KMT2D: variants seen among roughly 807,000 people sequenced by gnomAD.
The protein encoded by KMT2D is histone-lysine N-methyltransferase 2D.
Under a neutral mutation model 512.7 loss-of-function variants are expected in KMT2D, and 55 were observed. That is an observed-to-expected ratio of 0.11 (90% confidence interval 0.09 to 0.13). KMT2D has a LOEUF of 0.13. KMT2D is among the 10% of genes least tolerant of loss of function. KMT2D has a pLI of 1.00. For missense variants in KMT2D, 6,061 were observed against 7,127.9 expected, an observed-to-expected ratio of 0.85 and a Z score of 5.39; for synonymous variants, 2,995 against 2,904.0, an observed-to-expected ratio of 1.03 and a Z score of -1.01.
Position 49,028,099 on chromosome 12 carries a change from T to C in KMT2D, c.14425A>G (p.Met4809Val), listed in dbSNP as rs1263894352. The C allele has an allele frequency of 3.7e-6, 6 of 1,613,866 alleles. No individual in the cohort carries two copies. The highest frequency in any genetic ancestry group is 5.1e-6 in the Non-Finnish European group (6 of 1,179,848). The change falls in exon 47 of 55, where the codon ATG becomes GTG. Residue 4809 changes from methionine (M) to valine (V), a missense_variant. Transcript: ENST00000301067. ...VMVAVAELLS[M>V]KIPNSYEVLF... ...ACCTCATAGGAGTTGGGGATCTTCATGCTCAGCAGCTCCGCCACTGCCACC... is the reference window on the plus strand; with the variant it reads ...ACCTCATAGGAGTTGGGGATCTTCACGCTCAGCAGCTCCGCCACTGCCACC...
chr12:49,044,000 T>A lies in KMT2D; in HGVS notation c.5189-2A>T. On this transcript the variant is annotated splice_acceptor_variant, in intron 22 of 54. Transcript: ENST00000301067. LOFTEE classifies it high-confidence loss of function. ...CTGCAGGCAGGTCAGCAGGTATCAC[T>A]GTGGACAGAACGGAAGTGTCAGACT... is the stretch of plus-strand genomic sequence containing the variant. The A allele has an allele frequency of 6.2e-7, 1 of 1,614,020 alleles. No individual in the cohort carries two copies. Among genetic ancestry groups the A allele is most frequent in the Non-Finnish European group, 8.5e-7 (1 of 1,179,876 alleles).
In KMT2D at chr12:49,022,524, A is replaced by C. The variant is rs772848629; in HGVS notation, c.16338+66T>G. 2.5e-6 allele frequency: 4 copies of C among 1,573,690 alleles called. No individual in the cohort carries two copies. The African/African-American group carries it at 4.0e-5, about 16-fold the overall frequency. ...CTTTCCTCCTGCTCTCCTGTGACCA[A>C]TCCTGCCCTTGCTCCTTGGTTGAGT... is the stretch of plus-strand genomic sequence containing the variant. On this transcript the variant is annotated intron_variant, in intron 52 of 54. Coordinates refer to ENST00000301067, the MANE Select transcript of KMT2D (RefSeq NM_003482.4). This position sits in a 1 kb window ranked among gnomAD's most constrained non-coding sequence, Gnocchi z 8.6.
At position 49,039,481 on chromosome 12, in the gene KMT2D, G is replaced by A. The variant is rs2120511801; in HGVS notation, c.8183C>T (p.Ala2728Val). The part of the protein sequence containing the change: ...GSWGAEPSSP[A>V]FEQLSRGQTP... ...CTGGCCTCGACTCAGCTGCTCAAAG[G>A]CAGGGCTGCTGGGCTCAGCACCCCA... The change falls in exon 33 of 55, where the codon GCC becomes GTC. Residue 2728 changes from alanine (A) to valine (V), a missense_variant. Ala to Val is a moderately conservative substitution (Grantham distance 64). This residue lies in a region of KMT2D where 527 missense variants were observed against 578.9 expected (regional missense o/e 0.91). Coordinates refer to ENST00000301067, the MANE Select transcript of KMT2D (RefSeq NM_003482.4). The surrounding 1 kb of genome is among the most constrained non-coding windows in gnomAD (Gnocchi z 5.0). The A allele has an allele frequency of 6.2e-7, 1 of 1,609,314 alleles. No homozygotes were observed. Among genetic ancestry groups the A allele is most frequent in the Non-Finnish European group, 8.5e-7 (1 of 1,177,494 alleles).
chr12:49,040,460 G>A lies in KMT2D; in HGVS notation c.7310C>T (p.Pro2437Leu), dbSNP rs2120529320. ...CTGGAAGCGAGGGGTAACGGGTGAT[G>A]GGCAAAAAGCTTCAGCAGACAGAGG... ...PRPLSAEAFC[P>L]SPVTPRFQSP... Residue 2437 changes from proline (P) to leucine (L), a missense_variant, in exon 32 of 55, where the codon CCA becomes CTA. Transcript: ENST00000301067. 7 of 1,563,626 alleles carry A rather than the reference G, an allele frequency of 4.5e-6. No individual in the cohort carries two copies. In the South Asian group the frequency reaches 6.0e-5, roughly 13 times the overall value.
In KMT2D at chr12:49,038,045, G is replaced by A; in HGVS notation, c.9311C>T (p.Ala3104Val). ...TGCCAGGCGGGGTTCAGAGGCATCA[G>A]CAGCAGGGGGAGGGCGCTCCTCAGG... ...LGPEERPPPAADASEPRLASV... is the reference protein window; with the variant it reads ...LGPEERPPPAVDASEPRLASV... Residue 3104 changes from alanine to valine, a missense_variant, in exon 35 of 55, where the codon GCT becomes GTT. Around this residue, in one of 16 missense-constraint regions of KMT2D, gnomAD observed 533 missense variants for 539.6 expected, o/e 0.99. Coordinates refer to ENST00000301067, the MANE Select transcript of KMT2D (RefSeq NM_003482.4). The surrounding 1 kb of genome is among the most constrained non-coding windows in gnomAD (Gnocchi z 5.7). 6.2e-7 allele frequency: 1 copy of A among 1,611,746 alleles called. No individual in the cohort carries two copies. Among genetic ancestry groups the A allele is most frequent in the Non-Finnish European group, 8.5e-7 (1 of 1,179,118 alleles).
Position 49,042,941 on chromosome 12 carries a change from A to G in KMT2D, c.5645-63T>C, listed in dbSNP as rs12580349. 0.34 allele frequency: 551,104 copies of G among 1,601,044 alleles called. 98,028 individuals are homozygous for G. The highest frequency in any genetic ancestry group is 0.41 in the South Asian group (37,077 of 90,564). ...GAAGTTCAGGTGACACCACAGGTCT[A>G]CAAATGATCATGGCCAGGAACAGTC... On this transcript the variant is annotated intron_variant, in intron 26 of 54. Transcript: ENST00000301067. This position sits in a 1 kb window ranked among gnomAD's most constrained non-coding sequence, Gnocchi z 4.4.
At position 49,041,735 on chromosome 12, in the gene KMT2D, C is replaced by CTAG. The variant is rs769969971; in HGVS notation, c.6184-33_6184-31dup. ...GGGATATGGGACACAGCCTTAGGGC[C>CTAG]TAGTGCTTGGTCTCATGCCCCGCCC... On this transcript the variant is annotated intron_variant, in intron 30 of 54. Coordinates refer to ENST00000301067, the MANE Select transcript of KMT2D (RefSeq NM_003482.4). This position sits in a 1 kb window ranked among gnomAD's most constrained non-coding sequence, Gnocchi z 5.4. The CTAG allele has an allele frequency of 2.5e-6, 4 of 1,599,076 alleles. No individual in the cohort carries two copies. The highest frequency in any genetic ancestry group is 3.4e-6 in the Non-Finnish European group (4 of 1,172,214).
intron 1 of KMT2D, among the ~76,000 whole-genome samples, chr12:49,058,299 T>C (rs757885877): frequency 6.6e-6 from 1 of 152,234 alleles, no homozygotes. Context: ...CTCCATAGAA[T>C]GCCGGAGTGG....
intron 12 of KMT2D, 104 bp downstream of exon 12, chr12:49,049,578 G>C: frequency 7.9e-7 from 1 of 1,272,110 alleles, no homozygotes. Flanking sequence ...GGATCTCCAA[G>C]TCTAGGATTC....
chr12:49,042,302 G>A lies in KMT2D; in HGVS notation c.5896C>T (p.Pro1966Ser), dbSNP rs774560013. Residue 1966 changes from proline (P) to serine (S), a missense_variant, in exon 29 of 55, where the codon CCC becomes TCC. Coordinates refer to ENST00000301067, the MANE Select transcript of KMT2D (RefSeq NM_003482.4). The surrounding 1 kb of genome is among the most constrained non-coding windows in gnomAD (Gnocchi z 4.4). Reference sequence around the variant, plus strand: ...GTCCAGGGGCTGTCGGGCTCACCGGGTTCCGGGCTAAAGAAGCCCCCGCGC... The same window carrying A: ...GTCCAGGGGCTGTCGGGCTCACCGGATTCCGGGCTAAAGAAGCCCCCGCGC... ...RERGGFFSPE[P>S]GEPDSPWTGS... 2 of 1,555,048 alleles carry A rather than the reference G, an allele frequency of 1.3e-6. No homozygotes were observed. Among genetic ancestry groups the A allele is most frequent in the South Asian group, 1.2e-5 (1 of 85,272 alleles).
rs769585308 is a variant in KMT2D, at chr12:49,041,226, C to A, written c.6544G>T (p.Ala2182Ser). 6.6e-7 allele frequency: 1 copy of A among 1,513,718 alleles called. No individual in the cohort carries two copies. The highest frequency in any genetic ancestry group is 2.3e-5 in the East Asian group (1 of 43,754). The allele number at this position is 1,513,718 out of a possible 1,614,324, so 93.8% of individuals were successfully genotyped here. ...PSQDPFGLAP[A>S]YPLEPRFPTA... ...GGGAAGCGGGGCTCCAGGGGATAGGCAGGGGCCAGTCCAAAGGGGTCCTGC... is the reference window on the plus strand; with the variant it reads ...GGGAAGCGGGGCTCCAGGGGATAGGAAGGGGCCAGTCCAAAGGGGTCCTGC... Residue 2182 changes from alanine (A) to serine (S), a missense_variant, in exon 32 of 55, where the codon GCC becomes TCC. Transcript: ENST00000301067. This position sits in a 1 kb window ranked among gnomAD's most constrained non-coding sequence, Gnocchi z 5.4.
In KMT2D at chr12:49,027,107, G is replaced by A. The variant is rs2120367968; in HGVS notation, c.14859C>T (p.Ala4953=). The A allele has an allele frequency of 6.2e-7, 1 of 1,601,658 alleles. No individual in the cohort carries two copies. Among genetic ancestry groups the A allele is most frequent in the Non-Finnish European group, 8.5e-7 (1 of 1,171,982 alleles). ...EPPVPSPLPL[A]SSPESARPKP... Reference sequence around the variant, plus strand: ...TGGGTCGGGCTGATTCAGGGGATGAGGCCAGTGGCAGAGGTGAGGGGACGG... The same window carrying A: ...TGGGTCGGGCTGATTCAGGGGATGAAGCCAGTGGCAGAGGTGAGGGGACGG... Residue 4953 remains alanine (A), a synonymous_variant, in exon 49 of 55, where the codon GCC becomes GCT. Coordinates refer to ENST00000301067, the MANE Select transcript of KMT2D (RefSeq NM_003482.4).
In KMT2D at chr12:49,054,632, G is replaced by C. The variant is rs765815816; in HGVS notation, c.296C>G (p.Pro99Arg). The C allele has an allele frequency of 6.2e-7, 1 of 1,613,248 alleles. No individual in the cohort carries two copies. The highest frequency in any genetic ancestry group is 1.1e-5 in the South Asian group (1 of 90,972). The change falls in exon 4 of 55, where the codon CCT becomes CGT. Residue 99 changes from proline to arginine, a missense_variant. By Grantham distance (103) the Pro-to-Arg change is moderately radical (BLOSUM62 -2). Coordinates refer to ENST00000301067, the MANE Select transcript of KMT2D (RefSeq NM_003482.4). This position sits in a 1 kb window ranked among gnomAD's most constrained non-coding sequence, Gnocchi z 6.4. The stretch of plus-strand genomic sequence containing the variant: ...CTCATTGGGCCCTGGGCTCCCCCCA[G>C]GGGACACCACTGGACACCGGGGCCA... ...FDWPRCPVVS[P>R]GGSPGPNEAV...
Position 49,049,054 on chromosome 12 carries a change from G to A in KMT2D, c.4020+51C>T, listed in dbSNP as rs370708197. 1.9e-4 allele frequency: 219 copies of A among 1,148,472 alleles called. 1 individual carries two copies. The highest frequency in any genetic ancestry group is 2.6e-4 in the Non-Finnish European group (198 of 771,572). The allele number at this position is 1,148,472 out of a possible 1,614,324, so 71.1% of individuals were successfully genotyped here. A position where few individuals can be genotyped will look rare whatever the true frequency, so the allele number is the denominator to read the frequency against. On this transcript the variant is annotated intron_variant, in intron 13 of 54. Transcript: ENST00000301067. Reference sequence around the variant, plus strand: ...ATGCAAGGGACTGGCAGGACTCAGAGGGTGCTAAAGCATGGTTGGGGGATG... The same window carrying A: ...ATGCAAGGGACTGGCAGGACTCAGAAGGTGCTAAAGCATGGTTGGGGGATG...
chr12:49,047,542 C>T (rs748656875), intron 15 of KMT2D, among the ~76,000 whole-genome samples: 2 of 151,458 alleles, frequency 1.3e-5, no homozygotes, highest in Non-Finnish European at 2.9e-5. Context: ...CTCAGCCTCC[C>T]GAGTTGCTGA....
Position 49,021,773 on chromosome 12 carries a change from A to G in KMT2D, c.*7T>C, listed in dbSNP as rs1472408277. The stretch of plus-strand genomic sequence containing the variant: ...GGGACTCCCCTGCCTGGTAGCCTCA[A>G]AGCTTCTTAGTTCATCCATTTCCGA... On this transcript the variant is annotated 3_prime_UTR_variant, in exon 55 of 55. Coordinates refer to ENST00000301067, the MANE Select transcript of KMT2D (RefSeq NM_003482.4). The G allele has an allele frequency of 2.5e-6, 4 of 1,610,826 alleles. No individual in the cohort carries two copies. The highest frequency in any genetic ancestry group is 3.4e-6 in the Non-Finnish European group (4 of 1,176,998).
In KMT2D at chr12:49,039,658, C is replaced by T. The variant is rs1943391589; in HGVS notation, c.8047-41G>A. The T allele has an allele frequency of 6.2e-7, 1 of 1,603,006 alleles. No individual in the cohort carries two copies. On this transcript the variant is annotated intron_variant, in intron 32 of 54. Coordinates refer to ENST00000301067, the MANE Select transcript of KMT2D (RefSeq NM_003482.4). The surrounding 1 kb of genome is among the most constrained non-coding windows in gnomAD (Gnocchi z 5.0). ...AGAAGAGGAATAAGCCCATTCTACT[C>T]CAATCATAGGGCTGCCCCAGAGACA...
rs763817855 is a variant in KMT2D, at chr12:49,052,088, A to G, written c.1595T>C (p.Leu532Pro). The stretch of plus-strand genomic sequence containing the variant: ...AGGTGGTGGGGATAGAGGCGTCTCA[A>G]GTGCAGGAGATGGGGGTGACTCTTC... Reference protein sequence around the residue: ...PPEESPPSPALETPLSPPPEA... With the variant: ...PPEESPPSPAPETPLSPPPEA... Residue 532 changes from leucine (L) to proline (P), a missense_variant, in exon 11 of 55, where the codon CTT becomes CCT. Coordinates refer to ENST00000301067, the MANE Select transcript of KMT2D (RefSeq NM_003482.4). 1 of 1,607,376 alleles carries G rather than the reference A, an allele frequency of 6.2e-7. No individual in the cohort carries two copies. The highest frequency in any genetic ancestry group is 8.5e-7 in the Non-Finnish European group (1 of 1,178,346).
At chr12:49,049,639 T>G in intron 12 of KMT2D, 43 bp downstream of exon 12, 1 of 1,521,530 alleles carries the variant, frequency 6.6e-7, no homozygotes, top group Non-Finnish European at 8.8e-7. Context: ...CCTCTGACAG[T>G]GGGCTAACTC....
Sources: allele counts gnomAD v4.1 joint callset (sites outside exome capture counted in the v4.1 genomes callset), GRCh38; gene constraint gnomAD v4.1.1; regional missense constraint gnomAD v4.1.1; non-coding constraint Gnocchi (gnomAD v3.1); transcripts MANE v1.5; gene names NCBI Gene and HGNC (gene_info 2026-07-23, HGNC 2026-07-21).